LARP1: variants seen among roughly 807,000 people sequenced by gnomAD.
The protein encoded by LARP1 is La ribonucleoprotein 1, translational regulator.
In LARP1, 36 loss-of-function variants were observed where a neutral mutation model predicts 122.7. The ratio of observed to expected loss-of-function variants is 0.29; its 90% CI spans 0.22 to 0.39. LARP1 has a LOEUF of 0.39. Among genes scored for constraint, LARP1 ranks in the 10% least tolerant of loss-of-function variants. The probability of loss-of-function intolerance (pLI) is 1.00; values close to 1 mark genes in which losing one functional copy is unlikely to be tolerated. For synonymous variants in LARP1, 539 were observed against 528.7 expected (o/e 1.02, Z -0.27); for missense variants, 1,040 against 1,403.6 (o/e 0.74, Z 4.14).
chr5:154,751,155 G>GATA (rs1427231910), upstream of LARP1, among the ~76,000 whole-genome samples: 4 of 152,084 alleles, frequency 2.6e-5, no homozygotes, highest in African/African-American at 9.7e-5. Context: ...AATACTTATG[G>GATA]ATATGGCAAT....
intron 1 of LARP1, chr5:154,685,844 G>A (rs753222192): frequency 2.0e-6 from 1 of 512,220 alleles, no homozygotes; most frequent in Non-Finnish European, 3.9e-6. Flanking sequence ...ACGGGGTCTT[G>A]CTCTGTTGCC....
rs145378893 is a variant in LARP1 at position 154,793,820 on chromosome 5, G to A, written c.889G>A (p.Val297Met). 14 of 1,613,978 alleles carry A rather than the reference G, an allele frequency of 8.7e-6. No homozygotes were observed. The highest frequency in any genetic ancestry group is 4.5e-5 in the East Asian group (2 of 44,878). Residue 297 changes from valine to methionine, a missense_variant, in exon 6 of 19, where the codon GTG becomes ATG. Val to Met is a conservative substitution (Grantham distance 21). Around this residue, in one of 8 missense-constraint regions of LARP1, gnomAD observed 178 missense variants for 178.3 expected, o/e 1.00. Coordinates refer to ENST00000518297, the MANE Select transcript of LARP1 (RefSeq NM_033551.3). ...CATAGGGTCTGAGTCTGCCACCTAC[G>A]TGCCCGTGGCCCCCCCCACCCCAGC... ...EIKGSESATY[V>M]PVAPPTPAWQ...
chr5:154,776,252 C>T (rs139375759), intron 1 of LARP1, among the ~76,000 whole-genome samples: 1 of 152,300 alleles, frequency 6.6e-6, no homozygotes, highest in African/African-American at 2.4e-5. Flanking sequence ...GGACAATTCC[C>T]TTCAGAACCT....
upstream of LARP1, among the ~76,000 whole-genome samples, chr5:154,750,924 C>T (rs980045051): frequency 4.6e-5 from 7 of 152,202 alleles, no homozygotes; most frequent in Non-Finnish European, 7.3e-5. Context: ...AGTGTTTAAG[C>T]ACATGATGTG....
At chr5:154,811,785 C>A in intron 18 of LARP1, 145 bp downstream of exon 18, 1 of 941,832 alleles carries the variant, frequency 1.1e-6, no homozygotes, top group Non-Finnish European at 1.6e-6. Flanking sequence ...GCTTTTTCAC[C>A]TTTAAAATGG....
chr5:154,697,651 A>G (rs1373783410), intron 1 of LARP1, among the ~76,000 whole-genome samples: 1 of 152,246 alleles, frequency 6.6e-6, no homozygotes, highest in South Asian at 2.1e-4. Context: ...ATGTGAAAGA[A>G]GCCAGTCTCA....
upstream of LARP1, among the ~76,000 whole-genome samples, chr5:154,755,178 G>GGGGCGAGGGGCA (rs1436768424): frequency 4.6e-5 from 7 of 150,964 alleles, no homozygotes; most frequent in Non-Finnish European, 1.0e-4. Context: ...GACGAGGGGC[G>GGGGCGAGGGGCA]GGGCGAGGGG....
chr5:154,692,806 C>A (rs1754284486), intron 1 of LARP1, among the ~76,000 whole-genome samples: 1 of 152,104 alleles, frequency 6.6e-6, no homozygotes, highest in Non-Finnish European at 1.5e-5. Flanking sequence ...GTGAGGACAG[C>A]TGCTGAGAAG....
chr5:154,802,323 T>C lies in LARP1; in HGVS notation c.2033T>C (p.Val678Ala). ...AAGATGAGCGCCGAACTGGCCAAGGTCATTAATGATGGCCTCTTCTACTAT... is the reference window on the plus strand; with the variant it reads ...AAGATGAGCGCCGAACTGGCCAAGGCCATTAATGATGGCCTCTTCTACTAT... ...RAKMSAELAK[V>A]INDGLFYYEQ... The change falls in exon 11 of 19, where the codon GTC (valine) becomes GCC (alanine). Residue 678 changes from valine (V) to alanine (A), a missense_variant. Coordinates refer to ENST00000518297, the MANE Select transcript of LARP1 (RefSeq NM_033551.3). The surrounding 1 kb of genome is among the most constrained non-coding windows in gnomAD (Gnocchi z 5.1). 1 of 1,614,092 alleles carries C rather than the reference T, an allele frequency of 6.2e-7. No individual in the cohort carries two copies. The highest frequency in any genetic ancestry group is 8.5e-7 in the Non-Finnish European group (1 of 1,180,020).
intron 1 of LARP1, among the ~76,000 whole-genome samples, chr5:154,703,884 G>A (rs2113259653): frequency 6.6e-6 from 1 of 152,236 alleles, no homozygotes; most frequent in East Asian, 1.9e-4. Context: ...GCCTGCCAAA[G>A]TGCTGGGAAT....
At chr5:154,785,539 T>C (rs1756811061) in intron 1 of LARP1, among the ~76,000 whole-genome samples, 3 of 152,210 alleles carry the variant, frequency 2.0e-5, no homozygotes, top group Non-Finnish European at 4.4e-5. Context: ...CATGTAACTA[T>C]GACTTCAATT....
intron 1 of LARP1, among the ~76,000 whole-genome samples, chr5:154,684,614 T>A (rs958666757): frequency 6.6e-6 from 1 of 152,134 alleles, no homozygotes; most frequent in Non-Finnish European, 1.5e-5. Context: ...TGGGTACCAT[T>A]GCTGCATGAC....
At chr5:154,705,752 A>T (rs769524481) in intron 1 of LARP1, 3 of 152,180 alleles carry the variant, frequency 2.0e-5, no homozygotes, top group Non-Finnish European at 4.4e-5. Flanking sequence ...AAAATAACAG[A>T]TGCTAGTGAG....
chr5:154,704,583 G>A (rs1754860952), intron 1 of LARP1, among the ~76,000 whole-genome samples: 2 of 149,694 alleles, frequency 1.3e-5, no homozygotes, highest in Non-Finnish European at 3.0e-5. Flanking sequence ...GGAGGCAGAG[G>A]CTGCAGTAAG....
At chr5:154,685,239 A>G (rs998851946) in intron 1 of LARP1, among the ~76,000 whole-genome samples, 3 of 143,550 alleles carry the variant, frequency 2.1e-5, no homozygotes, top group Non-Finnish European at 4.5e-5. Flanking sequence ...GTGAGACAAC[A>G]TCTCAGAAAA....
chr5:154,684,468 C>T (rs918364), intron 1 of LARP1, among the ~76,000 whole-genome samples: 20 of 152,206 alleles, frequency 1.3e-4, no homozygotes, highest in Admixed American at 1.3e-3. Flanking sequence ...GATTCTGATT[C>T]AGTAGGGCTG....
Position 154,793,686 on chromosome 5 carries a change from G to A in LARP1, c.831G>A (p.Glu277=). The change falls in exon 5 of 19, where the codon GAG becomes GAA. Residue 277 remains glutamate, a synonymous_variant. Coordinates refer to ENST00000518297, the MANE Select transcript of LARP1 (RefSeq NM_033551.3). The stretch of plus-strand genomic sequence containing the variant: ...CTTCACGCCCCACTCGCCCACCGGA[G>A]CCTAGACACATACCTGCCAATCGCG... ...KLASRPTRPP[E]PRHIPANRGE... 6.2e-7 allele frequency: 1 copy of A among 1,614,180 alleles called. No homozygotes were observed. Among genetic ancestry groups the A allele is most frequent in the Non-Finnish European group, 8.5e-7 (1 of 1,179,996 alleles).
At chr5:154,722,111 G>A (rs565044451) in intron 1 of LARP1, among the ~76,000 whole-genome samples, 4 of 152,192 alleles carry the variant, frequency 2.6e-5, no homozygotes, top group Non-Finnish European at 4.4e-5. Context: ...TTCTGACCAC[G>A]TCTTTCTTCT....
intron 1 of LARP1, chr5:154,756,626 A>T (rs1753940050): frequency 2.1e-6 from 1 of 467,512 alleles, no homozygotes; most frequent in African/African-American, 2.1e-5. Flanking sequence ...CATGTTGTAA[A>T]TGTTTAATGA....
Sources: gnomAD v4.1 joint callset for allele counts (sites outside exome capture counted in the v4.1 genomes callset) on GRCh38, gnomAD v4.1.1 for gene constraint, gnomAD v4.1.1 regional missense constraint, Gnocchi (gnomAD v3.1) non-coding constraint, MANE v1.5 for transcripts, NCBI Gene and HGNC (gene_info 2026-07-23, HGNC 2026-07-21) for gene names.